The following ALPK3 variants were observed in gnomAD, a reference collection of about 807,000 sequenced individuals.
ALPK3 encodes alpha kinase 3.
ALPK3 carries 102 observed loss-of-function variants against 140.0 expected under a neutral mutation model. That is an observed-to-expected ratio of 0.73 (90% CI 0.62 to 0.86). ALPK3 has a LOEUF of 0.86. Among genes scored for constraint, ALPK3 ranks in the 40% least tolerant of loss-of-function variants. The probability of loss-of-function intolerance (pLI) is 0.00; values close to 1 mark genes in which losing one functional copy is unlikely to be tolerated. For missense variants in ALPK3, 2,254 were observed against 2,208.2 expected, an observed-to-expected ratio of 1.02 and a Z score of -0.42; for synonymous variants, 938 against 898.5, an observed-to-expected ratio of 1.04 and a Z score of -0.79.
In ALPK3 at chr15:84,864,391, G is replaced by A; in HGVS notation, c.4500-51G>A. The A allele has an allele frequency of 1.9e-6, 3 of 1,554,880 alleles. No individual in the cohort carries two copies. The South Asian group carries it at 3.4e-5, about 18-fold the overall frequency. The stretch of plus-strand genomic sequence containing the variant: ...GAATACAGAATTGGGTGGGAGGGAG[G>A]AGCTCTCTGGGCCATACTTCCTGCT... On this transcript the variant is annotated intron_variant, in intron 11 of 13. Transcript: ENST00000258888.
chr15:84,829,672 G>A (rs527840438), intron 3 of ALPK3, among the ~76,000 whole-genome samples: 12 of 152,202 alleles, frequency 7.9e-5, no homozygotes, highest in African/African-American at 4.8e-5. Flanking sequence ...GACTACAGGC[G>A]CGTGCCACCA....
intron 5 of ALPK3, among the ~76,000 whole-genome samples, chr15:84,850,879 T>TATACACACACACACAC (rs144798232): frequency 1.5e-3 from 219 of 142,470 alleles, no homozygotes; most frequent in Admixed American, 2.5e-3. Context: ...GTTCCAGATA[T>TATACACACACACACAC]ACACACACAC....
Position 84,839,024 on chromosome 15 carries a change from C to G in ALPK3, c.349C>G (p.Leu117Val), listed in dbSNP as rs1299288524. ...GACCTGGTACAAGGATGATACGGAG[C>G]TGGACCGCTACTGTGGCTTGCCAAA... ...EVTWYKDDTE[L>V]DRYCGLPKYE... The change falls in exon 4 of 14, where the codon CTG becomes GTG. Residue 117 changes from leucine to valine, a missense_variant. Leu to Val is a conservative substitution (Grantham distance 32). This residue lies in a region of ALPK3 where 2,088 missense variants were observed against 2,022.9 expected (regional missense o/e 1.03). Coordinates refer to ENST00000258888, the MANE Select transcript of ALPK3 (RefSeq NM_020778.5). 1.2e-6 allele frequency: 2 copies of G among 1,614,058 alleles called. No individual in the cohort carries two copies.
Position 84,840,791 on chromosome 15 carries a change from AG to A in ALPK3, c.1513del (p.Ala505LeufsTer9). On this transcript the variant is annotated frameshift_variant, in exon 5 of 14. Transcript: ENST00000258888. LOFTEE classifies it high-confidence loss of function. ...GCAAGCCCATTTCTTCTCTGAGTCA[AG>A]CTCCAGAATGCGGGGCCCAGAGCTT... is the stretch of plus-strand genomic sequence containing the variant. ...DSKPISSLSQ[A>X]PECGAQSLGK... is the part of the protein sequence containing the mutation. 6.2e-7 allele frequency: 1 copy of A among 1,614,234 alleles called. No individual in the cohort carries two copies. Among genetic ancestry groups the A allele is most frequent in the Non-Finnish European group, 8.5e-7 (1 of 1,180,026 alleles).
chr15:84,869,836 G>A lies in ALPK3; in HGVS notation c.*1380G>A, dbSNP rs1964048249. ...TCTCTGAGGGCATTCTGTAGTCCCA[G>A]GCCCACTGGAAAAATGAATCTATAT... On this transcript the variant is annotated 3_prime_UTR_variant, in exon 14 of 14. Coordinates refer to ENST00000258888, the MANE Select transcript of ALPK3 (RefSeq NM_020778.5). The A allele has an allele frequency of 6.6e-6, 1 of 152,644 alleles. No individual in the cohort carries two copies. Among genetic ancestry groups the A allele is most frequent in the African/African-American group, 2.4e-5 (1 of 41,454 alleles). 9.5% of individuals were successfully genotyped at this position (152,644 alleles called of 1,614,324 possible). A position where few individuals can be genotyped will look rare whatever the true frequency, so the allele number is the denominator to read the frequency against.
intron 1 of ALPK3, among the ~76,000 whole-genome samples, chr15:84,821,784 T>A (rs1963427723): frequency 6.6e-6 from 1 of 152,100 alleles, no homozygotes; most frequent in African/African-American, 2.4e-5. Context: ...CCATCGTCTG[T>A]GCAGCACTGC....
At chr15:84,826,689 G>A (rs572932864) in intron 2 of ALPK3, among the ~76,000 whole-genome samples, 13 of 152,136 alleles carry the variant, frequency 8.5e-5, no homozygotes, top group Non-Finnish European at 1.8e-4. Context: ...GACTGGAGAA[G>A]GGAACTAAAA....
intron 5 of ALPK3, among the ~76,000 whole-genome samples, chr15:84,854,099 A>G (rs766896200): frequency 8.6e-5 from 13 of 151,572 alleles, no homozygotes; most frequent in Non-Finnish European, 1.8e-4. Flanking sequence ...AATTATGTAT[A>G]TTTAAAAGTC....
Position 84,840,862 on chromosome 15 carries a change from C to CA in ALPK3, c.1583_1584insA (p.Ala529CysfsTer42). The CA allele has an allele frequency of 1.2e-6, 2 of 1,614,016 alleles. No homozygotes were observed. Among genetic ancestry groups the CA allele is most frequent in the Non-Finnish European group, 1.7e-6 (2 of 1,179,982 alleles). On this transcript the variant is annotated frameshift_variant, in exon 5 of 14. Coordinates refer to ENST00000258888, the MANE Select transcript of ALPK3 (RefSeq NM_020778.5). LOFTEE classifies it high-confidence loss of function. ...GCCTCTGTGCAGGTGCCGACGCCCC[C>CA]TGCCCGGCGGAGACATGGCACCCGG...
At chr15:84,854,793 A>G (rs1231849899) in intron 5 of ALPK3, among the ~76,000 whole-genome samples, 2 of 152,198 alleles carry the variant, frequency 1.3e-5, no homozygotes, top group African/African-American at 4.8e-5. Context: ...TCGTCAGGGC[A>G]TAGAACATTG....
chr15:84,819,261 C>G (rs1295410518), intron 1 of ALPK3, among the ~76,000 whole-genome samples: 1 of 152,196 alleles, frequency 6.6e-6, no homozygotes, highest in Non-Finnish European at 1.5e-5. Flanking sequence ...CCCTTTGGAC[C>G]TAAATGGGAA....
At chr15:84,851,898 G>A (rs1963807335) in intron 5 of ALPK3, among the ~76,000 whole-genome samples, 1 of 152,134 alleles carries the variant, frequency 6.6e-6, no homozygotes. Flanking sequence ...TTGGGTTAAA[G>A]AGTATAAATA....
chr15:84,866,245 A>C (rs1964002600), intron 12 of ALPK3, among the ~76,000 whole-genome samples: 1 of 152,174 alleles, frequency 6.6e-6, no homozygotes, highest in Non-Finnish European at 1.5e-5. Flanking sequence ...GAGAAATGAC[A>C]AATAAATCAA....
In ALPK3 at chr15:84,857,356, C is replaced by A; in HGVS notation, c.2618C>A (p.Thr873Asn). 4 of 1,614,198 alleles carry A rather than the reference C, an allele frequency of 2.5e-6. No individual in the cohort carries two copies. The highest frequency in any genetic ancestry group is 3.4e-6 in the Non-Finnish European group (4 of 1,180,042). The change falls in exon 6 of 14, where the codon ACT becomes AAT. Residue 873 changes from threonine to asparagine, a missense_variant. Around this residue, in one of 3 missense-constraint regions of ALPK3, gnomAD observed 2,088 missense variants for 2,022.9 expected, o/e 1.03. Coordinates refer to ENST00000258888, the MANE Select transcript of ALPK3 (RefSeq NM_020778.5). The stretch of plus-strand genomic sequence containing the variant: ...CCCACGATGCCTTCTCTTCCTGGAA[C>A]TGGGCTGACAGCTAGCCCAAAGGCG... ...EVPTMPSLPGTGLTASPKAGP... is the reference protein window; with the variant it reads ...EVPTMPSLPGNGLTASPKAGP...
intron 5 of ALPK3, among the ~76,000 whole-genome samples, chr15:84,844,852 G>A (rs1038457370): frequency 9.3e-5 from 14 of 150,954 alleles, no homozygotes; most frequent in Admixed American, 3.3e-4. Flanking sequence ...GCGAGACTCC[G>A]TCTCAAAAAA....
chr15:84,860,142 G>A (rs1963926205), intron 9 of ALPK3, 70 bp downstream of exon 9: 57 of 1,573,162 alleles, frequency 3.6e-5, no homozygotes, highest in Non-Finnish European at 4.9e-5. Flanking sequence ...CCTCTTTAAG[G>A]GCTTGGAATC....
chr15:84,844,404 C>T (rs1963705323), intron 5 of ALPK3, among the ~76,000 whole-genome samples: 2 of 151,324 alleles, frequency 1.3e-5, no homozygotes, highest in South Asian at 2.1e-4. Context: ...GAGATTCTGT[C>T]TCAAAAAACA....
At chr15:84,845,716 T>G (rs918240849) in intron 5 of ALPK3, among the ~76,000 whole-genome samples, 2 of 152,136 alleles carry the variant, frequency 1.3e-5, no homozygotes, top group African/African-American at 4.8e-5. Flanking sequence ...TGAACCATCA[T>G]GTAAGTCCCA....
At position 84,856,764 on chromosome 15, in the gene ALPK3, G is replaced by T. The variant is rs1196930996; in HGVS notation, c.2026G>T (p.Ala676Ser). 6.2e-7 allele frequency: 1 copy of T among 1,614,082 alleles called. No homozygotes were observed. The highest frequency in any genetic ancestry group is 8.5e-7 in the Non-Finnish European group (1 of 1,180,030). The change falls in exon 6 of 14, where the codon GCA becomes TCA. Residue 676 changes from alanine to serine, a missense_variant. Transcript: ENST00000258888. ...AGAGACACAGCTAGAAACAACACAG[G>T]CAGGTGAGAAGATACAGGAAGACAG... ...RAETQLETTQ[A>S]GEKIQEDRKA... is the part of the protein sequence containing the mutation.
Sources: allele counts gnomAD v4.1 joint callset (sites outside exome capture counted in the v4.1 genomes callset), GRCh38; gene constraint gnomAD v4.1.1; regional missense constraint gnomAD v4.1.1; transcripts MANE v1.5; gene names NCBI Gene and HGNC (gene_info 2026-07-23, HGNC 2026-07-21).